The following SECISBP2L variants were observed in gnomAD, a reference collection of about 807,000 sequenced individuals.
The protein encoded by SECISBP2L is selenocysteine insertion sequence-binding protein 2-like.
In SECISBP2L, 43 loss-of-function variants were observed where a neutral mutation model predicts 114.7. That is an observed-to-expected ratio of 0.38 (90% CI 0.29 to 0.48). The LOEUF (loss-of-function observed/expected upper bound fraction) is 0.48, where lower values mean the gene tolerates loss of function less well. Ranked by LOEUF, SECISBP2L falls within the 20% of genes least tolerant of loss-of-function variation. The probability of loss-of-function intolerance (pLI) is 0.98; values close to 1 mark genes in which losing one functional copy is unlikely to be tolerated. For missense variants in SECISBP2L, 1,136 were observed against 1,301.1 expected (o/e 0.87, Z 1.95); for synonymous variants, 451 against 439.7 (o/e 1.03, Z -0.32).
chr15:49,022,658 T>A (rs1448532299), intron 7 of SECISBP2L, among the ~76,000 whole-genome samples: 1 of 152,068 alleles, frequency 6.6e-6, no homozygotes, highest in Non-Finnish European at 1.5e-5. Context: ...AGGTGACACA[T>A]CATAAAGGTA....
chr15:49,030,166 C>CTTTA (rs1902856950), intron 4 of SECISBP2L, among the ~76,000 whole-genome samples: 2 of 152,082 alleles, frequency 1.3e-5, no homozygotes, highest in Non-Finnish European at 2.9e-5. Flanking sequence ...TTGTGCTCTG[C>CTTTA]TTAATATGAT....
At chr15:49,030,350 C>G (rs1902860179) in intron 4 of SECISBP2L, among the ~76,000 whole-genome samples, 1 of 152,166 alleles carries the variant, frequency 6.6e-6, no homozygotes, top group African/African-American at 2.4e-5. Context: ...TAATCAAATA[C>G]CCCCTCTCTT....
intron 17 of SECISBP2L, among the ~76,000 whole-genome samples, 183 bp from the exon 18 acceptor site, chr15:48,993,109 G>A (rs922304203): frequency 6.7e-6 from 1 of 149,782 alleles, no homozygotes; most frequent in Admixed American, 6.7e-5. Context: ...GAGTGTGTGT[G>A]TGTGTGTGTG....
rs779181187 is a variant in SECISBP2L, at chr15:49,046,434, C to T, written c.-135G>A. 4.1e-6 allele frequency: 4 copies of T among 982,620 alleles called. No individual in the cohort carries two copies. The highest frequency in any genetic ancestry group is 6.6e-5 in the East Asian group (2 of 30,488). 60.9% of individuals were successfully genotyped at this position (982,620 alleles called of 1,614,324 possible). A position where few individuals can be genotyped will look rare whatever the true frequency, so the allele number is the denominator to read the frequency against. ...TATCTGGCTGGCCGCGACACCGATT[C>T]GGCTACGCCACTGGCCGAGGAGGCG... On this transcript the variant is annotated 5_prime_UTR_variant, in exon 1 of 18. Transcript: ENST00000559471.
Position 49,016,576 on chromosome 15 carries a change from T to G in SECISBP2L, c.1545A>C (p.Arg515Ser). 6.2e-7 allele frequency: 1 copy of G among 1,610,398 alleles called. No homozygotes were observed. Among genetic ancestry groups the G allele is most frequent in the Non-Finnish European group, 8.5e-7 (1 of 1,178,128 alleles). Residue 515 changes from arginine to serine, a missense_variant, in exon 11 of 18, where the codon AGA (arginine) becomes AGC (serine). By Grantham distance (110) the Arg-to-Ser change is moderately radical. Coordinates refer to ENST00000559471, the MANE Select transcript of SECISBP2L (RefSeq NM_001193489.2). The stretch of plus-strand genomic sequence containing the variant: ...TGATATCACCTGTATATGACAGAGG[T>G]CTGGTGTTAGTAATTTGCCGTGCTT... ...AMKARQITNTRPLSYTVVTAA... is the reference protein window; with the variant it reads ...AMKARQITNTSPLSYTVVTAA...
intron 7 of SECISBP2L, among the ~76,000 whole-genome samples, chr15:49,023,453 C>T (rs1902682798): frequency 6.6e-6 from 1 of 152,210 alleles, no homozygotes; most frequent in Admixed American, 6.5e-5. Context: ...TAGGCACTTT[C>T]CACATTGTTG....
intron 11 of SECISBP2L, among the ~76,000 whole-genome samples, chr15:49,013,388 C>T (rs1902476969): frequency 6.6e-6 from 1 of 152,132 alleles, no homozygotes; most frequent in Admixed American, 6.5e-5. Context: ...CCTCCACCTC[C>T]TGGGTTCAAG....
chr15:49,044,438 T>C (rs142109897), intron 1 of SECISBP2L, among the ~76,000 whole-genome samples: 2 of 152,260 alleles, frequency 1.3e-5, no homozygotes, highest in East Asian at 3.9e-4. Context: ...AAAAGGCATA[T>C]AAAGAAGCAT....
At chr15:49,026,101 T>C (rs1902735452) in intron 7 of SECISBP2L, among the ~76,000 whole-genome samples, 1 of 152,138 alleles carries the variant, frequency 6.6e-6, no homozygotes, top group African/African-American at 2.4e-5. Context: ...GAGGACAATA[T>C]GTTAAGTGAA....
chr15:49,038,737 C>T (rs1903062985), intron 1 of SECISBP2L, among the ~76,000 whole-genome samples: 1 of 151,920 alleles, frequency 6.6e-6, no homozygotes, highest in Non-Finnish European at 1.5e-5. Flanking sequence ...TCATTAAGTA[C>T]ATTCTGTAAA....
chr15:48,993,100 A>AGAGAGAGTGTGTGT lies in SECISBP2L; in HGVS notation c.2624-175_2624-174insACACACACTCTCTC, dbSNP rs772299775. The stretch of plus-strand genomic sequence containing the variant: ...TAGTACTAGTTTGAGACAGAGAGAG[A>AGAGAGAGTGTGTGT]GTGTGTGTGTGTGTGTGTGTGTGTG... On this transcript the variant is annotated intron_variant, in intron 17 of 17. Transcript: ENST00000559471. Among the ~76,000 whole-genome samples, 761 of 139,200 alleles carry AGAGAGAGTGTGTGT rather than the reference A, an allele frequency of 5.5e-3. 8 individuals are homozygous for AGAGAGAGTGTGTGT. Among genetic ancestry groups the AGAGAGAGTGTGTGT allele is most frequent in the African/African-American group, 0.015 (542 of 35,404 alleles). 91.3% of individuals were successfully genotyped at this position (139,200 alleles called of 152,430 possible).
In SECISBP2L at chr15:49,016,891, G is replaced by A; in HGVS notation, c.1376C>T (p.Ala459Val). 1 of 1,613,824 alleles carries A rather than the reference G, an allele frequency of 6.2e-7. No homozygotes were observed. The highest frequency in any genetic ancestry group is 8.5e-7 in the Non-Finnish European group (1 of 1,179,958). ...KKALAAALATAQEYSEISMEQ... is the reference protein window; with the variant it reads ...KKALAAALATVQEYSEISMEQ... ...CATACTTATTTCTGAATACTCTTGAGCTGTGGCAAGGGCTGCTGCTAAAGC... is the reference window on the plus strand; with the variant it reads ...CATACTTATTTCTGAATACTCTTGAACTGTGGCAAGGGCTGCTGCTAAAGC... The change falls in exon 10 of 18, where the codon GCT becomes GTT. Residue 459 changes from alanine to valine, a missense_variant. Ala to Val is a moderately conservative substitution (Grantham distance 64). This residue lies in a region of SECISBP2L where 684 missense variants were observed against 848.7 expected (regional missense o/e 0.81). Transcript: ENST00000559471.
intron 11 of SECISBP2L, chr15:49,013,067 G>A (rs1164296779): frequency 5.5e-6 from 2 of 362,164 alleles, no homozygotes; most frequent in African/African-American, 2.1e-5. Flanking sequence ...CTACTCTCCT[G>A]TACAACCCTC....
intron 6 of SECISBP2L, among the ~76,000 whole-genome samples, chr15:49,027,713 A>C (rs1023316131): frequency 4.0e-5 from 6 of 151,742 alleles, no homozygotes; most frequent in Non-Finnish European, 8.8e-5. Flanking sequence ...GGTTCAAGCA[A>C]TTCTCCTTCC....
chr15:49,037,093 C>T (rs756791608), intron 2 of SECISBP2L, among the ~76,000 whole-genome samples: 10 of 151,886 alleles, frequency 6.6e-5, no homozygotes, highest in African/African-American at 1.7e-4. Context: ...GACCTAATTG[C>T]GGGCAATTTT....
intron 1 of SECISBP2L, among the ~76,000 whole-genome samples, chr15:49,042,957 G>A (rs1387240910): frequency 6.6e-6 from 1 of 152,182 alleles, no homozygotes. Context: ...GAACTGGGAA[G>A]GCGAGGTTGT....
intron 7 of SECISBP2L, among the ~76,000 whole-genome samples, chr15:49,026,738 T>C (rs1902751238): frequency 6.6e-6 from 1 of 152,158 alleles, no homozygotes; most frequent in Non-Finnish European, 1.5e-5. Flanking sequence ...ATTCCTTAAA[T>C]AGAGTTAAGG....
At chr15:48,997,740 A>G (rs1336338107) in intron 16 of SECISBP2L, among the ~76,000 whole-genome samples, 1 of 152,076 alleles carries the variant, frequency 6.6e-6, no homozygotes, top group Non-Finnish European at 1.5e-5. Flanking sequence ...GTGGTGGTGC[A>G]TGCCTGTAAT....
At chr15:49,015,358 T>TTTGTAATAATAGTTATTACAAATAACTA (rs1902515110) in intron 11 of SECISBP2L, among the ~76,000 whole-genome samples, 1 of 152,174 alleles carries the variant, frequency 6.6e-6, no homozygotes, top group African/African-American at 2.4e-5. Flanking sequence ...TTCAGTACTA[T>TTTGTAATAATAGTTATTACAAATAACTA]TTGTAATAAT....
Sources: gnomAD v4.1 joint callset for allele counts (sites outside exome capture counted in the v4.1 genomes callset) on GRCh38, gnomAD v4.1.1 for gene constraint, gnomAD v4.1.1 regional missense constraint, MANE v1.5 for transcripts, NCBI Gene and HGNC (gene_info 2026-07-23, HGNC 2026-07-21) for gene names.